The following SCLT1 variants were observed in gnomAD, a reference collection of about 807,000 sequenced individuals.
SCLT1 encodes the protein sodium channel-associated protein 1.
Under a neutral mutation model 112.8 loss-of-function variants are expected in SCLT1, and 78 were observed. That is an observed-to-expected ratio of 0.69 (90% CI 0.58 to 0.83). The LOEUF is 0.83. Ranked by LOEUF, SCLT1 falls within the 40% of genes least tolerant of loss-of-function variation. The probability of loss-of-function intolerance (pLI) is 0.00; values close to 1 mark genes in which losing one functional copy is unlikely to be tolerated. For synonymous variants in SCLT1, 257 were observed against 254.7 expected (o/e 1.01, Z -0.09); for missense variants, 747 against 770.4 (o/e 0.97, Z 0.36).
intron 5 of SCLT1, among the ~76,000 whole-genome samples, chr4:129,017,537 A>G (rs889183649): frequency 4.0e-5 from 6 of 150,386 alleles, no homozygotes; most frequent in Non-Finnish European, 7.4e-5. Flanking sequence ...CACTTAAAGC[A>G]TTATTTTTTA....
intron 8 of SCLT1, among the ~76,000 whole-genome samples, chr4:128,992,710 C>T (rs562129612): frequency 1.6e-4 from 25 of 152,040 alleles, no homozygotes; most frequent in South Asian, 8.3e-4. Flanking sequence ...TTAAAAAGCC[C>T]TTTATTGGCT....
intron 9 of SCLT1, among the ~76,000 whole-genome samples, chr4:128,975,970 A>C (rs1429138397): frequency 2.0e-5 from 3 of 152,208 alleles, no homozygotes; most frequent in Non-Finnish European, 4.4e-5. Flanking sequence ...ACGCTGAGCT[A>C]TCAAAACTTT....
chr4:129,016,237 G>A (rs1159985186), intron 5 of SCLT1, among the ~76,000 whole-genome samples: 1 of 152,146 alleles, frequency 6.6e-6, no homozygotes, highest in Non-Finnish European at 1.5e-5. Flanking sequence ...AGGTAAATGT[G>A]TGCCATGGTG....
At chr4:128,933,183 G>A (rs900271147) in intron 18 of SCLT1, among the ~76,000 whole-genome samples, 55 of 152,136 alleles carry the variant, frequency 3.6e-4, no homozygotes, top group African/African-American at 1.1e-3. Flanking sequence ...TCACACTAGG[G>A]CTATTATGGC....
intron 20 of SCLT1, 149 bp from the exon 21 acceptor site, chr4:128,884,688 T>C: frequency 1.6e-6 from 1 of 607,320 alleles, no homozygotes; most frequent in Non-Finnish European, 2.9e-6. Context: ...TTTGAGGCAA[T>C]CTTGCTCTGT....
At chr4:128,984,212 T>A (rs1440326289) in intron 9 of SCLT1, among the ~76,000 whole-genome samples, 1 of 152,224 alleles carries the variant, frequency 6.6e-6, no homozygotes, top group Non-Finnish European at 1.5e-5. Context: ...CCACACTAAA[T>A]GAATCTTCCA....
chr4:129,005,489 T>C (rs1282481651), intron 5 of SCLT1, among the ~76,000 whole-genome samples: 2 of 152,108 alleles, frequency 1.3e-5, no homozygotes, highest in Admixed American at 6.5e-5. Flanking sequence ...CCAGTTAGAA[T>C]GGCAATCATT....
At chr4:129,075,833 G>A (rs1290329378) in intron 2 of SCLT1, among the ~76,000 whole-genome samples, 2 of 152,096 alleles carry the variant, frequency 1.3e-5, no homozygotes, top group South Asian at 2.1e-4. Context: ...TGAGCAACAG[G>A]AGTAGCCTTG....
intron 11 of SCLT1, 121 bp from the exon 12 acceptor site, chr4:128,959,898 C>T: frequency 1.4e-6 from 1 of 732,054 alleles, no homozygotes; most frequent in Non-Finnish European, 2.3e-6. Context: ...TTAATATTTT[C>T]TCATTTGATA....
At chr4:128,883,353 C>A (rs2125917637), downstream of SCLT1, among the ~76,000 whole-genome samples, 1 of 151,902 alleles carries the variant, frequency 6.6e-6, no homozygotes, top group East Asian at 1.9e-4. Flanking sequence ...ACTTCCACAG[C>A]TTCAATTCTC....
intron 1 of SCLT1, 37 bp from the exon 2 acceptor site, chr4:129,082,410 G>A (rs1222367907): frequency 2.3e-6 from 3 of 1,291,958 alleles, no homozygotes; most frequent in Non-Finnish European, 3.3e-6. Context: ...AGTTCATTGA[G>A]TAATGGTCAA....
chr4:128,998,524 A>G (rs1560944346), intron 7 of SCLT1, among the ~76,000 whole-genome samples: 1 of 151,926 alleles, frequency 6.6e-6, no homozygotes, highest in African/African-American at 2.4e-5. Flanking sequence ...TGCTATTTGT[A>G]AAGTCTTGTA....
rs1277657521 is a variant in SCLT1, at chr4:128,970,455, C to A, written c.700G>T (p.Glu234Ter). ...ACTTTTGCTACAGCAACTCTCAGCT[C>A]TAATTTGGCTTGCCTAAAAAATAAA... is the stretch of plus-strand genomic sequence containing the variant. ...LRKKLRQAKL[E>*]LRVAVAKVEE... Residue 234 changes from glutamate (E) to a stop codon, truncating the protein, a stop_gained, in exon 10 of 21, where the codon GAG (glutamate) becomes TAG (stop). Coordinates refer to ENST00000281142, the MANE Select transcript of SCLT1 (RefSeq NM_144643.4). LOFTEE classifies it high-confidence loss of function. The A allele has an allele frequency of 1.3e-6, 2 of 1,599,356 alleles. No homozygotes were observed. The highest frequency in any genetic ancestry group is 4.5e-5 in the East Asian group (2 of 44,686).
chr4:129,008,768 T>C (rs542113602), intron 5 of SCLT1, among the ~76,000 whole-genome samples: 8 of 152,248 alleles, frequency 5.3e-5, no homozygotes, highest in Admixed American at 2.0e-4. Context: ...ACCCAAGTAT[T>C]AAGCCTAGTA....
At chr4:129,085,685 AAAG>A (rs1752332416) in intron 1 of SCLT1, among the ~76,000 whole-genome samples, 1 of 152,234 alleles carries the variant, frequency 6.6e-6, no homozygotes, top group South Asian at 2.1e-4. Flanking sequence ...ATGCAGCCAT[AAAG>A]AAGAACGAGA....
At position 129,039,909 on chromosome 4, in the gene SCLT1, C is replaced by G. The variant is rs1003081000; in HGVS notation, c.235-813G>C. 3.2e-5 allele frequency: 12 copies of G among 373,926 alleles called. No individual in the cohort carries two copies. In the South Asian group the frequency reaches 5.0e-4, roughly 16 times the overall value. 23.2% of individuals were successfully genotyped at this position (373,926 alleles called of 1,614,324 possible). A position where few individuals can be genotyped will look rare whatever the true frequency, so the allele number is the denominator to read the frequency against. ...GAGAGTGTGCGCGCGCGCACACACA[C>G]ACACACACACACACACACACACAAA... On this transcript the variant is annotated intron_variant, in intron 4 of 20. Transcript: ENST00000281142.
At position 129,040,942 on chromosome 4, in the gene SCLT1, A is replaced by C. The variant is rs557365167; in HGVS notation, c.235-1846T>G. Among the ~76,000 whole-genome samples, 6 of 152,318 alleles carry C rather than the reference A, an allele frequency of 3.9e-5. No homozygotes were observed. The East Asian group carries it at 1.2e-3, about 29-fold the overall frequency. On this transcript the variant is annotated intron_variant, in intron 4 of 20. Coordinates refer to ENST00000281142, the MANE Select transcript of SCLT1 (RefSeq NM_144643.4). The stretch of plus-strand genomic sequence containing the variant: ...TTCTCTTGTAATTAATTAAGTGATC[A>C]ACCTTTGGCGGTAAAGAATGCAAAA...
At chr4:129,036,598 A>G (rs980648051) in intron 5 of SCLT1, 5 of 152,020 alleles carry the variant, frequency 3.3e-5, no homozygotes, top group Non-Finnish European at 5.9e-5. Context: ...TAAAAGCCCA[A>G]TTAAAAGATG....
intron 5 of SCLT1, among the ~76,000 whole-genome samples, chr4:129,009,751 A>G (rs1049203447): frequency 6.6e-6 from 1 of 152,106 alleles, no homozygotes; most frequent in East Asian, 1.9e-4. Context: ...GGCCACATGT[A>G]TGTCTTCTTT....
Sources: allele counts gnomAD v4.1 joint callset (sites outside exome capture counted in the v4.1 genomes callset), GRCh38; gene constraint gnomAD v4.1.1; transcripts MANE v1.5; gene names NCBI Gene and HGNC (gene_info 2026-07-23, HGNC 2026-07-21).